CSNK1G3: variants seen among roughly 807,000 people sequenced by gnomAD.
CSNK1G3 encodes casein kinase 1 gamma 3.
In CSNK1G3, 23 loss-of-function variants were observed where a neutral mutation model predicts 64.3. That is an observed-to-expected ratio of 0.36 (90% CI 0.26 to 0.51). CSNK1G3 has a LOEUF of 0.51. CSNK1G3 is among the 20% of genes least tolerant of loss of function. The pLI, the probability that CSNK1G3 is intolerant of heterozygous loss-of-function variation, is 0.96. For missense variants in CSNK1G3, 357 were observed against 510.5 expected (o/e 0.70, Z 2.90); for synonymous variants, 158 against 162.2 (o/e 0.97, Z 0.20).
Position 123,544,625 on chromosome 5 carries a change from A to AT in CSNK1G3, c.-247-790dup, listed in dbSNP as rs538154737. On this transcript the variant is annotated intron_variant, in intron 1 of 12. Coordinates refer to ENST00000345990, the Ensembl canonical transcript of CSNK1G3. Reference sequence around the variant, plus strand: ...TGTAAAGGTGCAGAATTACCACAGAATTAAGGTACATTTGATCACTGCAAT... The same window carrying AT: ...TGTAAAGGTGCAGAATTACCACAGAATTTAAGGTACATTTGATCACTGCAAT... 1.2e-4 allele frequency among the ~76,000 whole-genome samples: 19 copies of AT among 152,354 alleles called. No individual in the cohort carries two copies. In the South Asian group the frequency reaches 3.9e-3, roughly 32 times the overall value.
At position 123,522,057 on chromosome 5, in the gene CSNK1G3, A is replaced by AT. The variant is rs1272254772; in HGVS notation, c.-248+9491dup. Among the ~76,000 whole-genome samples, 5 of 152,192 alleles carry AT rather than the reference A, an allele frequency of 3.3e-5. No individual in the cohort carries two copies. In the South Asian group the frequency reaches 1.0e-3, roughly 32 times the overall value. On this transcript the variant is annotated intron_variant, in intron 1 of 12. Coordinates refer to ENST00000345990, the Ensembl canonical transcript of CSNK1G3. ...CCCTTTAAAAAAATGGCTTTCTTTT[A>AT]TTTTCCAACTGTCTTTTTAAAATTT...
chr5:123,567,612 A>T (rs934329841), intron 4 of CSNK1G3, among the ~76,000 whole-genome samples: 7 of 152,216 alleles, frequency 4.6e-5, no homozygotes, highest in African/African-American at 1.7e-4. Flanking sequence ...TTTTAAAAAA[A>T]AATATTTTAA....
At chr5:123,551,849 C>G (rs1199910859) in intron 2 of CSNK1G3, among the ~76,000 whole-genome samples, 1 of 152,044 alleles carries the variant, frequency 6.6e-6, no homozygotes, top group Non-Finnish European at 1.5e-5. Context: ...GTAATACATG[C>G]TAATTGAAAA....
intron 4 of CSNK1G3, among the ~76,000 whole-genome samples, chr5:123,573,129 G>T (rs988112163): frequency 2.0e-5 from 3 of 152,182 alleles, no homozygotes; most frequent in African/African-American, 4.8e-5. Flanking sequence ...CAGTAATAAG[G>T]TGGTAGAGAG....
Position 123,522,790 on chromosome 5 carries a change from A to G in CSNK1G3, c.-248+10220A>G, listed in dbSNP as rs555061209. On this transcript the variant is annotated intron_variant, in intron 1 of 12. Transcript: ENST00000345990. ...ATCCAAGGATGAGGAGCCCATAGATAATGAGGGTCAATTGTACTTAGCATC... is the reference window on the plus strand; with the variant it reads ...ATCCAAGGATGAGGAGCCCATAGATGATGAGGGTCAATTGTACTTAGCATC... Among the ~76,000 whole-genome samples, 450 of 152,290 alleles carry G rather than the reference A, an allele frequency of 3.0e-3. 2 individuals carry two copies. Among genetic ancestry groups the G allele is most frequent in the Non-Finnish European group, 4.5e-3 (307 of 68,006 alleles).
intron 1 of CSNK1G3, among the ~76,000 whole-genome samples, chr5:123,521,214 A>C (rs1237732049): frequency 6.6e-6 from 1 of 152,148 alleles, no homozygotes; most frequent in Non-Finnish European, 1.5e-5. Flanking sequence ...ATTTTAGGGA[A>C]TCTGACAACA....
At chr5:123,585,623 G>T (rs1160021718) in intron 6 of CSNK1G3, among the ~76,000 whole-genome samples, 1 of 152,166 alleles carries the variant, frequency 6.6e-6, no homozygotes, top group Non-Finnish European at 1.5e-5. Flanking sequence ...CAACTTTTTA[G>T]TAAGACAATC....
At chr5:123,533,383 T>C (rs1034536464) in intron 1 of CSNK1G3, among the ~76,000 whole-genome samples, 6 of 152,006 alleles carry the variant, frequency 3.9e-5, no homozygotes, top group Non-Finnish European at 7.4e-5. Flanking sequence ...AAATCAGTTA[T>C]CTATCGTACG....
chr5:123,580,849 G>T (rs991139374), intron 6 of CSNK1G3, among the ~76,000 whole-genome samples: 2 of 151,812 alleles, frequency 1.3e-5, no homozygotes, highest in Non-Finnish European at 3.0e-5. Context: ...GATTATTCAA[G>T]AATAAAAAAA....
intron 10 of CSNK1G3, among the ~76,000 whole-genome samples, chr5:123,597,871 A>G (rs1793721209): frequency 6.6e-6 from 1 of 152,188 alleles, no homozygotes; most frequent in African/African-American, 2.4e-5. Context: ...TTTAAAAAGT[A>G]TTTAGCATAG....
chr5:123,607,964 T>G (rs1290844927), intron 12 of CSNK1G3, among the ~76,000 whole-genome samples: 1 of 152,162 alleles, frequency 6.6e-6, no homozygotes, highest in African/African-American at 2.4e-5. Flanking sequence ...GAGCATGATT[T>G]TTTTTCTTTT....
chr5:123,599,571 A>T (rs1045472693), intron 10 of CSNK1G3, among the ~76,000 whole-genome samples: 1 of 152,216 alleles, frequency 6.6e-6, no homozygotes, highest in East Asian at 1.9e-4. Flanking sequence ...AGTAGATACT[A>T]TTGTCTCAAT....
At chr5:123,597,267 C>G (rs943069284) in intron 10 of CSNK1G3, among the ~76,000 whole-genome samples, 1 of 152,082 alleles carries the variant, frequency 6.6e-6, no homozygotes, top group African/African-American at 2.4e-5. Context: ...ATTGGCTTTA[C>G]AGGAGATGCA....
At chr5:123,542,280 A>G (rs1034905058) in intron 1 of CSNK1G3, among the ~76,000 whole-genome samples, 1 of 152,162 alleles carries the variant, frequency 6.6e-6, no homozygotes, top group Admixed American at 6.5e-5. Context: ...GGAATCTTAA[A>G]ACAGTGTCGT....
intron 1 of CSNK1G3, among the ~76,000 whole-genome samples, chr5:123,540,769 A>T (rs554502837): frequency 1.5e-3 from 223 of 152,172 alleles, no homozygotes; most frequent in Non-Finnish European, 2.7e-3. Context: ...AGCAGCTGGG[A>T]CTACAGGCAT....
chr5:123,604,920 A>G, intron 11 of CSNK1G3, 90 bp downstream of exon 12: 2 of 1,046,946 alleles, frequency 1.9e-6, no homozygotes, highest in Non-Finnish European at 2.8e-6. Context: ...ATTTCAGGAA[A>G]TTTTTTTCAG....
chr5:123,517,668 A>G (rs1278033378), intron 1 of CSNK1G3, among the ~76,000 whole-genome samples: 1 of 152,196 alleles, frequency 6.6e-6, no homozygotes, highest in African/African-American at 2.4e-5. Context: ...TGCAAGAAAA[A>G]GGAAATAGAA....
chr5:123,595,586 G>T (rs80157481), intron 10 of CSNK1G3, among the ~76,000 whole-genome samples: 3,006 of 151,634 alleles, frequency 0.02, 103 homozygotes, highest in African/African-American at 0.069. Context: ...CTGATTAATT[G>T]TTCAAACGAA....
chr5:123,536,437 T>C (rs1447668721), intron 1 of CSNK1G3, among the ~76,000 whole-genome samples: 2 of 148,722 alleles, frequency 1.3e-5, no homozygotes, highest in African/African-American at 2.5e-5. Flanking sequence ...TTTTTTTTTT[T>C]TTTAAAAAAA....
Sources: gnomAD v4.1 joint callset for allele counts (sites outside exome capture counted in the v4.1 genomes callset) on GRCh38, gnomAD v4.1.1 for gene constraint, MANE v1.5 for transcripts, NCBI Gene and HGNC (gene_info 2026-07-23, HGNC 2026-07-21) for gene names.